The following XRCC4 variants were observed in gnomAD, a reference collection of about 807,000 sequenced individuals.
XRCC4 encodes DNA repair protein XRCC4.
Under a neutral mutation model 39.1 loss-of-function variants are expected in XRCC4, and 28 were observed. That is an observed-to-expected ratio of 0.72 (90% CI 0.53 to 0.98). XRCC4 has a LOEUF of 0.98. XRCC4 is among the 50% of genes least tolerant of loss of function. The pLI, the probability that XRCC4 is intolerant of heterozygous loss-of-function variation, is 0.00. For missense variants in XRCC4, 350 were observed against 376.4 expected (o/e 0.93, Z 0.58); for synonymous variants, 123 against 126.4 (o/e 0.97, Z 0.18).
At chr5:83,212,803 T>C (rs1751700221) in intron 6 of XRCC4, among the ~76,000 whole-genome samples, 1 of 151,812 alleles carries the variant, frequency 6.6e-6, no homozygotes, top group Non-Finnish European at 1.5e-5. Flanking sequence ...GGCACGTGCC[T>C]GTAATCCCAG....
At chr5:83,169,325 T>A (rs775571024) in intron 3 of XRCC4, among the ~76,000 whole-genome samples, 21 of 152,236 alleles carry the variant, frequency 1.4e-4, no homozygotes, top group Non-Finnish European at 2.2e-4. Context: ...TTAAAATATA[T>A]GCTGATTGGA....
At chr5:83,172,989 CTGTT>C (rs1040741367) in intron 3 of XRCC4, among the ~76,000 whole-genome samples, 5 of 152,072 alleles carry the variant, frequency 3.3e-5, no homozygotes, top group Non-Finnish European at 7.4e-5. Flanking sequence ...ACAACAGTCA[CTGTT>C]TGTTATAGTC....
chr5:83,294,146 A>G (rs901531838), intron 7 of XRCC4, among the ~76,000 whole-genome samples: 6 of 151,994 alleles, frequency 3.9e-5, no homozygotes, highest in Non-Finnish European at 8.8e-5. Flanking sequence ...GACCATGACT[A>G]ATTTTCAATA....
At chr5:83,223,290 A>T (rs1323315678) in intron 6 of XRCC4, among the ~76,000 whole-genome samples, 1 of 152,026 alleles carries the variant, frequency 6.6e-6, no homozygotes, top group Non-Finnish European at 1.5e-5. Context: ...TCATATTGTC[A>T]TCTATCCTTT....
chr5:83,190,770 A>T (rs1203657808), intron 3 of XRCC4, among the ~76,000 whole-genome samples: 4 of 152,190 alleles, frequency 2.6e-5, no homozygotes, highest in Admixed American at 2.6e-4. Flanking sequence ...ATTTAAAAGA[A>T]CCTGAAAACT....
intron 3 of XRCC4, among the ~76,000 whole-genome samples, chr5:83,158,537 A>G (rs750454806): frequency 2.2e-4 from 34 of 152,154 alleles, no homozygotes; most frequent in Non-Finnish European, 3.5e-4. Flanking sequence ...TTGAATGCCA[A>G]ATACTGTAAA....
chr5:83,144,092 T>G (rs945551698), intron 3 of XRCC4, among the ~76,000 whole-genome samples: 2 of 152,124 alleles, frequency 1.3e-5, no homozygotes, highest in East Asian at 1.9e-4. Flanking sequence ...ATGTTCATTA[T>G]ATCACTCTAT....
intron 3 of XRCC4, among the ~76,000 whole-genome samples, chr5:83,129,505 C>A (rs1335874948): frequency 6.6e-6 from 1 of 151,788 alleles, no homozygotes; most frequent in African/African-American, 2.4e-5. Context: ...TTTTTCAATT[C>A]TGTGAAGAAA....
intron 6 of XRCC4, among the ~76,000 whole-genome samples, chr5:83,251,833 T>TG (rs1259630817): frequency 6.6e-6 from 1 of 152,152 alleles, no homozygotes. Flanking sequence ...CTTAAGTGTT[T>TG]GGTGCTATGT....
At chr5:83,227,109 T>G (rs973463486) in intron 6 of XRCC4, among the ~76,000 whole-genome samples, 9 of 152,120 alleles carry the variant, frequency 5.9e-5, no homozygotes, top group African/African-American at 2.2e-4. Flanking sequence ...GTGATATACT[T>G]TATTTATTAA....
At chr5:83,178,781 T>G (rs1424193471) in intron 3 of XRCC4, among the ~76,000 whole-genome samples, 1 of 152,152 alleles carries the variant, frequency 6.6e-6, no homozygotes, top group Non-Finnish European at 1.5e-5. Context: ...CATCAGAGTT[T>G]TTGATGTGGT....
chr5:83,255,345 G>C (rs1474149586), intron 6 of XRCC4, among the ~76,000 whole-genome samples: 1 of 152,140 alleles, frequency 6.6e-6, no homozygotes, highest in Non-Finnish European at 1.5e-5. Flanking sequence ...GGGGAACACT[G>C]TTTCCCATGG....
At chr5:83,201,964 A>G (rs904342894) in intron 4 of XRCC4, 1 of 150,488 alleles carries the variant, frequency 6.6e-6, no homozygotes, top group African/African-American at 2.5e-5. Flanking sequence ...ATCGCTTGAA[A>G]CCAGAAGGCA....
chr5:83,097,039 A>G (rs2112340386), intron 1 of XRCC4, among the ~76,000 whole-genome samples: 1 of 152,348 alleles, frequency 6.6e-6, no homozygotes, highest in East Asian at 1.9e-4. Context: ...TTGAGAATGT[A>G]TAACCCAAGG....
chr5:83,332,226 T>TACACCCAC (rs369670460), intron 7 of XRCC4, among the ~76,000 whole-genome samples: 14 of 141,952 alleles, frequency 9.9e-5, no homozygotes, highest in African/African-American at 3.7e-4. Flanking sequence ...TTCAATCTTC[T>TACACCCAC]ACACACACAC....
At chr5:83,361,630 T>C in the XRCC4 span, among the ~76,000 whole-genome samples, 49 of 152,052 alleles carry the variant, frequency 3.2e-4, no homozygotes, top group African/African-American at 1.1e-3. Flanking sequence ...TTTCTTTTTT[T>C]TTTTTTCTTG....
chr5:83,123,785 T>C (rs1409887929), intron 3 of XRCC4, among the ~76,000 whole-genome samples: 1 of 152,140 alleles, frequency 6.6e-6, no homozygotes, highest in African/African-American at 2.4e-5. Flanking sequence ...TTCACAGATA[T>C]TATGGCACCA....
chr5:83,272,533 C>T (rs886148053), intron 7 of XRCC4, among the ~76,000 whole-genome samples: 3 of 151,988 alleles, frequency 2.0e-5, no homozygotes, highest in Non-Finnish European at 2.9e-5. Context: ...CTAGGTGTTA[C>T]GCCCCGTATG....
intron 3 of XRCC4, among the ~76,000 whole-genome samples, chr5:83,135,066 C>T (rs1442718366): frequency 3.3e-5 from 5 of 152,116 alleles, no homozygotes; most frequent in African/African-American, 9.7e-5. Context: ...TCTTGAAGTC[C>T]GCGAGACCAA....
Sources: gnomAD v4.1 joint callset for allele counts (sites outside exome capture counted in the v4.1 genomes callset) on GRCh38, gnomAD v4.1.1 for gene constraint, MANE v1.5 for transcripts, NCBI Gene and HGNC (gene_info 2026-07-23, HGNC 2026-07-21) for gene names.